The following NCAPG2 variants were observed in gnomAD, a reference collection of about 807,000 sequenced individuals.
NCAPG2 encodes condensin-2 complex subunit G2.
NCAPG2 carries 53 observed loss-of-function variants against 141.1 expected under a neutral mutation model. The observed-to-expected ratio is 0.38, with a 90% CI of 0.30 to 0.47. The LOEUF is 0.47. Ranked by LOEUF, NCAPG2 falls within the 20% of genes least tolerant of loss-of-function variation. NCAPG2 has a pLI of 0.99. For missense variants in NCAPG2, 1,087 were observed against 1,389.0 expected (o/e 0.78, Z 3.46); for synonymous variants, 499 against 490.7 (o/e 1.02, Z -0.22).
In NCAPG2 at chr7:158,648,565, C is replaced by CG. The variant is rs1563504199; in HGVS notation, c.3076-2003dup. Among the ~76,000 whole-genome samples, 222 of 131,948 alleles carry CG rather than the reference C, an allele frequency of 1.7e-3. 5 individuals carry two copies. The highest frequency in any genetic ancestry group is 6.1e-3 in the African/African-American group (205 of 33,508). 86.6% of individuals were successfully genotyped at this position (131,948 alleles called of 152,430 possible). On this transcript the variant is annotated intron_variant, in intron 24 of 27. Transcript: ENST00000356309. ...AACCACGGCAAATGGACGACAACCACGCCAAATGGACGACAACCACGCCAA... is the reference window on the plus strand; with the variant it reads ...AACCACGGCAAATGGACGACAACCACGGCCAAATGGACGACAACCACGCCAA...
At position 158,636,986 on chromosome 7, in the gene NCAPG2, C is replaced by T. The variant is rs1587042413; in HGVS notation, c.3381-5269G>A. On this transcript the variant is annotated intron_variant, in intron 27 of 27. Coordinates refer to ENST00000356309, the MANE Select transcript of NCAPG2 (RefSeq NM_017760.7). ...TTTTTGAGACGGAGCCCTGCTCTGT[C>T]ACCCAGGCTGGAATGCAGTGGTGTG... 2.6e-5 allele frequency among the ~76,000 whole-genome samples: 4 copies of T among 151,764 alleles called. No individual in the cohort carries two copies. The South Asian group carries it at 6.3e-4, about 24-fold the overall frequency.
At chr7:158,644,260 A>G in intron 27 of NCAPG2, 29 bp downstream of exon 27, 1 of 1,539,954 alleles carries the variant, frequency 6.5e-7, no homozygotes, top group Non-Finnish European at 9.0e-7. Flanking sequence ...GTTTTAGATG[A>G]TCACATCTGG....
chr7:158,664,353 TATCTG>T lies in NCAPG2; in HGVS notation c.1703-62_1703-58del. On this transcript the variant is annotated intron_variant, in intron 14 of 27. Transcript: ENST00000356309. Reference sequence around the variant, plus strand: ...GATGTGTTTCTTCTACAAAATTAACTATCTGATAGTGAAATTATAATCCCAATTAG... The same window carrying T: ...GATGTGTTTCTTCTACAAAATTAACTATAGTGAAATTATAATCCCAATTAG... 3.9e-6 allele frequency: 6 copies of T among 1,538,584 alleles called. No homozygotes were observed. In the South Asian group the frequency reaches 6.8e-5, roughly 17 times the overall value.
intron 16 of NCAPG2, among the ~76,000 whole-genome samples, chr7:158,660,429 T>TTTA (rs869116610): frequency 1.5e-4 from 14 of 91,362 alleles, no homozygotes; most frequent in African/African-American, 6.0e-4. Context: ...TTTTTTTTTT[T>TTTA]AAAAGAGGCA....
chr7:158,641,572 A>G, intron 27 of NCAPG2: 1 of 628,466 alleles, frequency 1.6e-6, no homozygotes, highest in Non-Finnish European at 2.8e-6. Context: ...AAAAAAAAAA[A>G]AAGGAAATGA....
Position 158,646,344 on chromosome 7 carries a change from T to C in NCAPG2, c.3179+116A>G, listed in dbSNP as rs533735320. The C allele has an allele frequency of 1.5e-5, 10 of 665,834 alleles. No individual in the cohort carries two copies. In the African/African-American group the frequency reaches 1.5e-4, roughly 10 times the overall value. 41.2% of individuals were successfully genotyped at this position (665,834 alleles called of 1,614,324 possible). On this transcript the variant is annotated intron_variant, in intron 25 of 27. Transcript: ENST00000356309. Reference sequence around the variant, plus strand: ...GAGAAAAAATTATATGAAACATTTTTCTCATAGAAAAGAATGTAGCTTTGA... The same window carrying C: ...GAGAAAAAATTATATGAAACATTTTCCTCATAGAAAAGAATGTAGCTTTGA...
intron 17 of NCAPG2, among the ~76,000 whole-genome samples, chr7:158,656,912 A>G (rs1189757014): frequency 6.6e-6 from 1 of 152,234 alleles, no homozygotes; most frequent in East Asian, 1.9e-4. Context: ...ACCTGAGACC[A>G]GCTCTGGACA....
At chr7:158,671,726 T>A (rs893161261) in intron 12 of NCAPG2, 60 bp from the exon 13 acceptor site, 11 of 1,559,684 alleles carry the variant, frequency 7.1e-6, no homozygotes, top group Non-Finnish European at 9.6e-6. Flanking sequence ...AAGGTTCAGG[T>A]AGGAAAACTT....
In NCAPG2 at chr7:158,662,196, T is replaced by G. The variant is rs1832563843; in HGVS notation, c.1987A>C (p.Lys663Gln). 6.2e-6 allele frequency: 10 copies of G among 1,603,856 alleles called. No individual in the cohort carries two copies. The highest frequency in any genetic ancestry group is 8.5e-6 in the Non-Finnish European group (10 of 1,177,182). ...TACAAGTATAGTTCAAGACTTACCT[T>G]AAATACTTTCAGATACTCTGGAAGC... ...SVLPEYLKVF[K>Q]DDRCKIPLFM... is the part of the protein sequence containing the mutation. Residue 663 changes from lysine (K) to glutamine (Q), a missense_variant and splice_region_variant, in exon 16 of 28, where the codon AAG becomes CAG. Transcript: ENST00000356309.
At chr7:158,672,492 G>C (rs1237676109) in intron 12 of NCAPG2, among the ~76,000 whole-genome samples, 3 of 150,640 alleles carry the variant, frequency 2.0e-5, no homozygotes, top group Non-Finnish European at 3.0e-5. Context: ...ACAGGCGCCC[G>C]CCACCACGCC....
rs774350890 is a variant in NCAPG2 at position 158,690,739 on chromosome 7, T to TAA, written c.383-19_383-18dup. ...ATAAAATACCTAAAATACAGCACAG[T>TAA]AATTTTCCAATTAGTAAGGCAAATT... On this transcript the variant is annotated splice_polypyrimidine_tract_variant and intron_variant, in intron 4 of 27. Coordinates refer to ENST00000356309, the MANE Select transcript of NCAPG2 (RefSeq NM_017760.7). 4 of 1,606,544 alleles carry TAA rather than the reference T, an allele frequency of 2.5e-6. No homozygotes were observed. The East Asian group carries it at 8.9e-5, about 36-fold the overall frequency.
In NCAPG2 at chr7:158,701,796, C is replaced by T. The variant is rs1190556582; in HGVS notation, c.78+26G>A. 3 of 1,592,708 alleles carry T rather than the reference C, an allele frequency of 1.9e-6. No homozygotes were observed. In the African/African-American group the frequency reaches 4.0e-5, roughly 21 times the overall value. Reference sequence around the variant, plus strand: ...ATTTCATATTCACAGTCAAAAATCACAACAAAACTAAAACATGAAACTTAC... The same window carrying T: ...ATTTCATATTCACAGTCAAAAATCATAACAAAACTAAAACATGAAACTTAC... On this transcript the variant is annotated intron_variant, in intron 2 of 27. Coordinates refer to ENST00000356309, the MANE Select transcript of NCAPG2 (RefSeq NM_017760.7).
At chr7:158,694,680 T>C (rs1563579900) in intron 2 of NCAPG2, among the ~76,000 whole-genome samples, 5 of 152,172 alleles carry the variant, frequency 3.3e-5, no homozygotes, top group African/African-American at 1.2e-4. Context: ...AAAAACACAG[T>C]AAGATGGAGG....
intron 13 of NCAPG2, 143 bp from the exon 14 acceptor site, chr7:158,664,893 A>C: frequency 1.5e-6 from 1 of 653,322 alleles, no homozygotes; most frequent in Non-Finnish European, 2.6e-6. Flanking sequence ...CTACACCAAA[A>C]TCTGTGACTT....
Position 158,633,196 on chromosome 7 carries a change from C to G in NCAPG2, c.3381-1479G>C, listed in dbSNP as rs1829994197. ...CTCCTTGCTGTTAGGTCTCTCGGGC[C>G]TTTTCCCCCAAGTCTATCCCCACCC... is the stretch of plus-strand genomic sequence containing the variant. On this transcript the variant is annotated intron_variant, in intron 27 of 27. Transcript: ENST00000356309. The surrounding 1 kb of genome is among the most constrained non-coding windows in gnomAD (Gnocchi z 4.1). 6.6e-6 allele frequency among the ~76,000 whole-genome samples: 1 copy of G among 152,130 alleles called. No individual in the cohort carries two copies. The highest frequency in any genetic ancestry group is 1.5e-5 in the Non-Finnish European group (1 of 68,038).
chr7:158,655,930 A>C (rs949510477), intron 19 of NCAPG2, among the ~76,000 whole-genome samples: 2 of 152,242 alleles, frequency 1.3e-5, no homozygotes, highest in African/African-American at 4.8e-5. Context: ...CAAGGACTGC[A>C]GGGAGTGAGT....
In NCAPG2 at chr7:158,690,697, A is replaced by C. The variant is rs766528313; in HGVS notation, c.408T>G (p.Ser136=). 1.9e-6 allele frequency: 3 copies of C among 1,614,150 alleles called. No homozygotes were observed. Among genetic ancestry groups the C allele is most frequent in the Non-Finnish European group, 2.5e-6 (3 of 1,179,988 alleles). The part of the protein sequence containing the change: ...LNGILYALPE[S]ERKLQSSIQD... ...GAATAGAACTCTGTAGTTTTCGTTC[A>C]GACTCAGGTAATGCATATAAAATAC... The change falls in exon 5 of 28, where the codon TCT becomes TCG. Residue 136 remains serine, a synonymous_variant. Transcript: ENST00000356309.
intron 2 of NCAPG2, among the ~76,000 whole-genome samples, chr7:158,700,732 A>C (rs907260434): frequency 7.5e-6 from 1 of 133,118 alleles, no homozygotes; most frequent in African/African-American, 2.9e-5. Context: ...GCCAGTAACA[A>C]ATTCATTATT....
chr7:158,677,078 A>AT (rs1834097464), intron 11 of NCAPG2, among the ~76,000 whole-genome samples: 1 of 152,144 alleles, frequency 6.6e-6, no homozygotes, highest in Admixed American at 6.5e-5. Context: ...CTGATGAGGC[A>AT]TACAGGCCAG....
Sources: gnomAD v4.1 joint callset for allele counts (sites outside exome capture counted in the v4.1 genomes callset) on GRCh38, gnomAD v4.1.1 for gene constraint, Gnocchi (gnomAD v3.1) non-coding constraint, MANE v1.5 for transcripts, NCBI Gene and HGNC (gene_info 2026-07-23, HGNC 2026-07-21) for gene names.